The following NSA2 variants were observed in gnomAD, a reference collection of about 807,000 sequenced individuals.
The protein encoded by NSA2 is NSA2 ribosome biogenesis factor, also known as ribosome biogenesis protein NSA2 homolog.
Under a neutral mutation model 34.8 loss-of-function variants are expected in NSA2, and 18 were observed. The observed-to-expected ratio is 0.52, with a 90% CI of 0.36 to 0.77. NSA2 has a LOEUF of 0.77. NSA2 is among the 30% of genes least tolerant of loss of function. The probability of loss-of-function intolerance (pLI) is 0.00; values close to 1 mark genes in which losing one functional copy is unlikely to be tolerated. For synonymous variants in NSA2, 79 were observed against 100.2 expected (o/e 0.79, Z 1.26); for missense variants, 188 against 314.7 (o/e 0.60, Z 3.05).
rs1253106617 is a variant in NSA2 at position 74,776,879 on chromosome 5, A to G, written c.*208A>G. The G allele has an allele frequency of 2.5e-6, 1 of 400,462 alleles. No individual in the cohort carries two copies. Among genetic ancestry groups the G allele is most frequent in the African/African-American group, 2.1e-5 (1 of 48,066 alleles). The allele number at this position is 400,462 out of a possible 1,614,324, so 24.8% of individuals were successfully genotyped here. ...ATGTTCATAAAACTGAATGATTGAA[A>G]AAAAGCAAATATACAAATATCCTAC... On this transcript the variant is annotated 3_prime_UTR_variant, in exon 6 of 6. Transcript: ENST00000610426.
At chr5:74,774,145 C>A in intron 5 of NSA2, 85 bp downstream of exon 5, 1 of 953,160 alleles carries the variant, frequency 1.0e-6, no homozygotes, top group Non-Finnish European at 1.6e-6. Flanking sequence ...ATAAAATATA[C>A]AGCAAATTTT....
chr5:74,773,997 A>C lies in NSA2; in HGVS notation c.652A>C (p.Thr218Pro), dbSNP rs751121475. The C allele has an allele frequency of 6.2e-7, 1 of 1,614,028 alleles. No individual in the cohort carries two copies. Among genetic ancestry groups the C allele is most frequent in the African/African-American group, 1.3e-5 (1 of 74,946 alleles). The change falls in exon 5 of 6, where the codon ACT (threonine) becomes CCT (proline). Residue 218 changes from threonine (T) to proline (P), a missense_variant. By Grantham distance (38) the Thr-to-Pro change is conservative. Coordinates refer to ENST00000610426, the MANE Select transcript of NSA2 (RefSeq NM_014886.6). The stretch of plus-strand genomic sequence containing the variant: ...AACTTTGGGTGTTATTACCAAAGGT[A>C]CTGTCATTGAAGTAAATGTGAGCGA... ...YTTLGVITKGTVIEVNVSELG... is the reference protein window; with the variant it reads ...YTTLGVITKGPVIEVNVSELG...
rs1745196179 is a variant in NSA2, at chr5:74,777,776, A to AAACTT, written c.*1108_*1112dup. ...AAATATAGGTTTAATTACTACTTTT[A>AAACTT]AACTTAAAAAAAAATAAAAACCAAG... On this transcript the variant is annotated 3_prime_UTR_variant, in exon 6 of 6. Coordinates refer to ENST00000610426, the MANE Select transcript of NSA2 (RefSeq NM_014886.6). The AAACTT allele has an allele frequency of 6.6e-6, 1 of 152,186 alleles. No individual in the cohort carries two copies. Among genetic ancestry groups the AAACTT allele is most frequent in the South Asian group, 2.1e-4 (1 of 4,830 alleles). 9.4% of individuals were successfully genotyped at this position (152,186 alleles called of 1,614,324 possible).
At chr5:74,776,137 T>C (rs566321901) in intron 5 of NSA2, among the ~76,000 whole-genome samples, 2 of 152,250 alleles carry the variant, frequency 1.3e-5, no homozygotes, top group African/African-American at 2.4e-5. Flanking sequence ...CCTTAAATGA[T>C]TGAATTTTGT....
At position 74,770,660 on chromosome 5, in the gene NSA2, A is replaced by G; in HGVS notation, c.372A>G (p.Val124=). The change falls in exon 4 of 6, where the codon GTA becomes GTG. Residue 124 remains valine (V), a synonymous_variant. Transcript: ENST00000610426. ...AATGGGAAGTCCCTCTGCCTAAAGT[A>G]CGTGCCCAGGGAGAAACAGAAGTAT... ...AGKWEVPLPK[V]RAQGETEVLK... is the part of the protein sequence containing the mutation. 1.2e-6 allele frequency: 2 copies of G among 1,605,558 alleles called. No homozygotes were observed. Among genetic ancestry groups the G allele is most frequent in the Non-Finnish European group, 1.7e-6 (2 of 1,176,760 alleles).
At chr5:74,774,325 G>A (rs1745040213) in intron 5 of NSA2, among the ~76,000 whole-genome samples, 3 of 152,250 alleles carry the variant, frequency 2.0e-5, no homozygotes, top group African/African-American at 7.2e-5. Flanking sequence ...TTTTAGCCAG[G>A]CACAGCAGCT....
intron 4 of NSA2, 33 bp from the exon 5 acceptor site, chr5:74,773,835 G>A (rs1391952092): frequency 1.0e-5 from 16 of 1,563,352 alleles, no homozygotes; most frequent in Middle Eastern, 1.9e-4. Context: ...CATTTTGGAC[G>A]TAAACATTCT....
rs879731248 is a variant in NSA2, at chr5:74,779,294, AAAG to A, written c.*2626_*2628del. ...AATCTTTAAAAAACTACACTTGTCT[AAAG>A]AAAGTCTTTTAGTGCTCACTTCGGC... On this transcript the variant is annotated 3_prime_UTR_variant, in exon 6 of 6. Transcript: ENST00000610426. 2 of 152,164 alleles carry A rather than the reference AAAG, an allele frequency of 1.3e-5. No homozygotes were observed. The highest frequency in any genetic ancestry group is 2.4e-5 in the African/African-American group (1 of 41,464). The allele number at this position is 152,164 out of a possible 1,614,324, so 9.4% of individuals were successfully genotyped here. A position where few individuals can be genotyped will look rare whatever the true frequency, so the allele number is the denominator to read the frequency against.
At chr5:74,774,642 T>C (rs977122826) in intron 5 of NSA2, among the ~76,000 whole-genome samples, 1 of 152,030 alleles carries the variant, frequency 6.6e-6, no homozygotes, top group African/African-American at 2.4e-5. Flanking sequence ...AAAATTATTA[T>C]AAGGGAAGCA....
intron 1 of NSA2, among the ~76,000 whole-genome samples, chr5:74,768,458 A>G (rs1004106542): frequency 6.6e-6 from 1 of 152,176 alleles, no homozygotes; most frequent in African/African-American, 2.4e-5. Flanking sequence ...TAAAAGTTAC[A>G]TAGGGAATTT....
Position 74,770,630 on chromosome 5 carries a change from G to A in NSA2, c.343-1G>A. On this transcript the variant is annotated splice_acceptor_variant, in intron 3 of 5. Transcript: ENST00000610426. LOFTEE classifies it high-confidence loss of function. ...AACTTTTAACTGTGGCATATTTTTA[G>A]GGAAAATGGGAAGTCCCTCTGCCTA... The A allele has an allele frequency of 2.5e-6, 4 of 1,569,016 alleles. No individual in the cohort carries two copies. Among genetic ancestry groups the A allele is most frequent in the Non-Finnish European group, 3.4e-6 (4 of 1,161,810 alleles).
intron 1 of NSA2, among the ~76,000 whole-genome samples, chr5:74,768,715 C>T (rs1744805155): frequency 6.6e-6 from 1 of 152,094 alleles, no homozygotes; most frequent in Non-Finnish European, 1.5e-5. Flanking sequence ...TGGACCATTC[C>T]CTAATGAGAT....
At chr5:74,770,566 A>G in intron 3 of NSA2, 65 bp from the exon 4 acceptor site, 1 of 1,284,542 alleles carries the variant, frequency 7.8e-7, no homozygotes, top group South Asian at 1.6e-5. Flanking sequence ...CAACTAAAAC[A>G]TATTTGACTT....
Position 74,770,804 on chromosome 5 carries a change from G to C in NSA2, c.516G>C (p.Arg172Ser), listed in dbSNP as rs190369410. ...CACCTAAATATGAAAGATTCATCAG[G>C]CCAATGGTAAGTCCTTGGAAGAGTG... ...RKPPKYERFIRPMGLRFKKAH... is the reference protein window; with the variant it reads ...RKPPKYERFISPMGLRFKKAH... The change falls in exon 4 of 6, where the codon AGG becomes AGC. Residue 172 changes from arginine to serine, a missense_variant. Transcript: ENST00000610426. The C allele has an allele frequency of 4.9e-5, 79 of 1,604,194 alleles. No individual in the cohort carries two copies. The East Asian group carries it at 1.1e-3, about 22-fold the overall frequency.
At position 74,777,296 on chromosome 5, in the gene NSA2, T is replaced by C. The variant is rs553313871; in HGVS notation, c.*625T>C. On this transcript the variant is annotated 3_prime_UTR_variant, in exon 6 of 6. Transcript: ENST00000610426. ...TTGAATCATGAAAATGAAAAAAATATACTAAAGTCTTTGTACTCTCTTAGC... is the reference window on the plus strand; with the variant it reads ...TTGAATCATGAAAATGAAAAAAATACACTAAAGTCTTTGTACTCTCTTAGC... 4 of 152,278 alleles carry C rather than the reference T, an allele frequency of 2.6e-5. No homozygotes were observed. Among genetic ancestry groups the C allele is most frequent in the African/African-American group, 9.6e-5 (4 of 41,564 alleles). 9.4% of individuals were successfully genotyped at this position (152,278 alleles called of 1,614,324 possible).
intron 3 of NSA2, 64 bp from the exon 4 acceptor site, chr5:74,770,565 CAT>C: frequency 7.9e-7 from 1 of 1,268,542 alleles, no homozygotes; most frequent in Admixed American, 2.4e-5. Flanking sequence ...ACAACTAAAA[CAT>C]ATTTGACTTA....
rs1315010570 is a variant in NSA2 at position 74,773,977 on chromosome 5, T to C, written c.632T>C (p.Leu211Ser). Reference sequence around the variant, plus strand: ...CCCTCATCCCCACTGTATACAACTTTGGGTGTTATTACCAAAGGTACTGTC... The same window carrying C: ...CCCTCATCCCCACTGTATACAACTTCGGGTGTTATTACCAAAGGTACTGTC... Reference protein sequence around the residue: ...KNPSSPLYTTLGVITKGTVIE... With the variant: ...KNPSSPLYTTSGVITKGTVIE... The change falls in exon 5 of 6, where the codon TTG (leucine) becomes TCG (serine). Residue 211 changes from leucine (L) to serine (S), a missense_variant. Physicochemically the swap from Leu to Ser is moderately radical, Grantham distance 145 (BLOSUM62 -2). Transcript: ENST00000610426. 6 of 1,613,962 alleles carry C rather than the reference T, an allele frequency of 3.7e-6. No homozygotes were observed. Among genetic ancestry groups the C allele is most frequent in the Admixed American group, 1.7e-5 (1 of 59,988 alleles).
chr5:74,775,979 C>T (rs765568966), intron 5 of NSA2, among the ~76,000 whole-genome samples: 8 of 152,152 alleles, frequency 5.3e-5, no homozygotes, highest in South Asian at 2.1e-4. Flanking sequence ...AAACTTGATA[C>T]ATTTTCCAGG....
rs2112429715 is a variant in NSA2, at chr5:74,776,774, T to C, written c.*103T>C. 1 of 654,518 alleles carries C rather than the reference T, an allele frequency of 1.5e-6. No individual in the cohort carries two copies. Among genetic ancestry groups the C allele is most frequent in the East Asian group, 2.6e-5 (1 of 37,934 alleles). 40.5% of individuals were successfully genotyped at this position (654,518 alleles called of 1,614,324 possible). A position where few individuals can be genotyped will look rare whatever the true frequency, so the allele number is the denominator to read the frequency against. On this transcript the variant is annotated 3_prime_UTR_variant, in exon 6 of 6. Transcript: ENST00000610426. The stretch of plus-strand genomic sequence containing the variant: ...ACCAAACAGCCATACATGTCTGCAA[T>C]GAAGAGATTTATTAAATTGTAAACA...
Sources: allele counts gnomAD v4.1 joint callset (sites outside exome capture counted in the v4.1 genomes callset), GRCh38; gene constraint gnomAD v4.1.1; transcripts MANE v1.5; gene names NCBI Gene and HGNC (gene_info 2026-07-23, HGNC 2026-07-21).